COTL1: variants seen among roughly 807,000 people sequenced by gnomAD.
The protein encoded by COTL1 is coactosin-like protein.
COTL1 carries 15 observed loss-of-function variants against 16.5 expected under a neutral mutation model. The observed-to-expected ratio is 0.91, with a 90% CI of 0.61 to 1.40. The LOEUF (loss-of-function observed/expected upper bound fraction) is 1.40. Ranked by LOEUF, COTL1 falls within the 40% of genes most tolerant of loss-of-function variation. COTL1 has a pLI of 0.00. For synonymous variants in COTL1, 112 were observed against 85.3 expected (o/e 1.31, Z -1.73); for missense variants, 220 against 201.5 (o/e 1.09, Z -0.56).
intron 2 of COTL1, among the ~76,000 whole-genome samples, chr16:84,609,195 CTG>C (rs1905271269): frequency 1.3e-5 from 2 of 152,212 alleles, no homozygotes; most frequent in South Asian, 4.1e-4. Flanking sequence ...TGCCGGCTCT[CTG>C]TGTGTTGTAT....
rs193205780 is a variant in COTL1, at chr16:84,598,852, G to A, written c.161-8590C>T. ...GGGGGAGCAAGCAGGGGGGGTCCAA[G>A]CGGGGTCGGGGGTGATCAGGCTGGA... is the stretch of plus-strand genomic sequence containing the variant. On this transcript the variant is annotated intron_variant, in intron 2 of 3. Coordinates refer to ENST00000262428, the MANE Select transcript of COTL1 (RefSeq NM_021149.5). Among the ~76,000 whole-genome samples, 215 of 150,916 alleles carry A rather than the reference G, an allele frequency of 1.4e-3. 3 individuals carry two copies. In the East Asian group the frequency reaches 0.027, roughly 19 times the overall value.
intron 2 of COTL1, among the ~76,000 whole-genome samples, chr16:84,612,738 G>A (rs949802425): frequency 9.9e-5 from 15 of 152,264 alleles, no homozygotes; most frequent in South Asian, 4.1e-4. Context: ...CAGCCTGGGC[G>A]ACAGAGAAAA....
chr16:84,577,871 G>C, intron 3 of COTL1, among the ~76,000 whole-genome samples: 1 of 152,130 alleles, frequency 6.6e-6, no homozygotes, highest in Non-Finnish European at 1.5e-5. Flanking sequence ...GCCTGGATCT[G>C]TGACCCCGAC....
chr16:84,599,746 T>A (rs929356090), intron 2 of COTL1, among the ~76,000 whole-genome samples: 1 of 152,068 alleles, frequency 6.6e-6, no homozygotes, highest in East Asian at 1.9e-4. Context: ...GGAGAGGTTA[T>A]GCAAACACGG....
chr16:84,615,733 A>G (rs1051525577), intron 2 of COTL1, among the ~76,000 whole-genome samples: 1 of 152,206 alleles, frequency 6.6e-6, no homozygotes, highest in South Asian at 2.1e-4. Flanking sequence ...GCCTGGGTTC[A>G]AATCCTGCCC....
At chr16:84,583,228 C>T (rs1473459357) in intron 3 of COTL1, among the ~76,000 whole-genome samples, 1 of 152,142 alleles carries the variant, frequency 6.6e-6, no homozygotes, top group Admixed American at 6.5e-5. Context: ...ATCCCAAGCT[C>T]CTCATCTATA....
At chr16:84,600,126 G>A (rs1567538178) in intron 2 of COTL1, among the ~76,000 whole-genome samples, 2 of 152,106 alleles carry the variant, frequency 1.3e-5, no homozygotes, top group South Asian at 2.1e-4. Flanking sequence ...ACCACTTGCT[G>A]TCTTTTTTCA....
At chr16:84,569,682 T>G (rs924911616) in intron 3 of COTL1, among the ~76,000 whole-genome samples, 1 of 152,240 alleles carries the variant, frequency 6.6e-6, no homozygotes, top group Non-Finnish European at 1.5e-5. Context: ...CTTGAGATCC[T>G]TTCTGTTCCC....
At chr16:84,611,429 T>A (rs1567541158) in intron 2 of COTL1, among the ~76,000 whole-genome samples, 3 of 152,214 alleles carry the variant, frequency 2.0e-5, no homozygotes, top group Non-Finnish European at 2.9e-5. Flanking sequence ...ACAGTTGTTG[T>A]GGGAGGTGGC....
chr16:84,574,378 G>T (rs1320329822), intron 3 of COTL1, among the ~76,000 whole-genome samples: 1 of 152,166 alleles, frequency 6.6e-6, no homozygotes, highest in Non-Finnish European at 1.5e-5. Context: ...TCAGTCTGGG[G>T]GCACCGTCAC....
chr16:84,583,667 C>T (rs1161612125), intron 3 of COTL1, among the ~76,000 whole-genome samples: 2 of 152,066 alleles, frequency 1.3e-5, no homozygotes, highest in African/African-American at 2.4e-5. Flanking sequence ...ACTATGTTGA[C>T]CAGGCTGGTC....
At chr16:84,598,559 C>G (rs998117850) in intron 2 of COTL1, among the ~76,000 whole-genome samples, 6 of 152,206 alleles carry the variant, frequency 3.9e-5, no homozygotes, top group Admixed American at 3.3e-4. Flanking sequence ...TTTCCCTCTC[C>G]TGGCTCTCCT....
chr16:84,582,320 T>C (rs1904618217), intron 3 of COTL1, among the ~76,000 whole-genome samples: 1 of 152,130 alleles, frequency 6.6e-6, no homozygotes, highest in African/African-American at 2.4e-5. Context: ...AAAAATTATG[T>C]TAAAACAGAG....
rs1323265581 is a variant in COTL1 at position 84,577,454 on chromosome 16, A to G, written c.319-10499T>C. 2.0e-5 allele frequency among the ~76,000 whole-genome samples: 3 copies of G among 152,342 alleles called. No individual in the cohort carries two copies. In the East Asian group the frequency reaches 5.8e-4, roughly 29 times the overall value. On this transcript the variant is annotated intron_variant, in intron 3 of 3. Transcript: ENST00000262428. ...GAGACAGGGTTTCACCATGTTGGCCAGGCTGGTCTTGAACTCCTGACCTCA... is the reference window on the plus strand; with the variant it reads ...GAGACAGGGTTTCACCATGTTGGCCGGGCTGGTCTTGAACTCCTGACCTCA...
intron 2 of COTL1, among the ~76,000 whole-genome samples, chr16:84,606,046 T>C (rs1328468163): frequency 6.6e-6 from 1 of 152,168 alleles, no homozygotes; most frequent in African/African-American, 2.4e-5. Flanking sequence ...AGTACAGAAC[T>C]AAAAACAAGA....
At chr16:84,574,149 C>G (rs1374704619) in intron 3 of COTL1, among the ~76,000 whole-genome samples, 2 of 152,204 alleles carry the variant, frequency 1.3e-5, no homozygotes, top group African/African-American at 2.4e-5. Flanking sequence ...CCCTTGAGAC[C>G]TGCCATTCAC....
chr16:84,607,296 G>C (rs1478356636), intron 2 of COTL1, among the ~76,000 whole-genome samples: 1 of 152,192 alleles, frequency 6.6e-6, no homozygotes, highest in Non-Finnish European at 1.5e-5. Context: ...AGTGCAGGCA[G>C]AGGGAAGAGA....
intron 3 of COTL1, among the ~76,000 whole-genome samples, chr16:84,571,101 G>A (rs1459854632): frequency 6.6e-6 from 1 of 152,150 alleles, no homozygotes; most frequent in Non-Finnish European, 1.5e-5. Flanking sequence ...CTGACATACT[G>A]CCTCCAGGGG....
chr16:84,598,604 C>T lies in COTL1; in HGVS notation c.161-8342G>A, dbSNP rs139156066. 4.4e-3 allele frequency among the ~76,000 whole-genome samples: 675 copies of T among 151,930 alleles called. 3 individuals are homozygous for T. The highest frequency in any genetic ancestry group is 5.8e-3 in the Non-Finnish European group (396 of 67,934). ...CCCCTGGGTCCTGGAGGTGCCTTTACGCCTCTCCCACCTCCTCCCCATCTG... is the reference window on the plus strand; with the variant it reads ...CCCCTGGGTCCTGGAGGTGCCTTTATGCCTCTCCCACCTCCTCCCCATCTG... On this transcript the variant is annotated intron_variant, in intron 2 of 3. Coordinates refer to ENST00000262428, the MANE Select transcript of COTL1 (RefSeq NM_021149.5).
Sources: allele counts gnomAD v4.1 joint callset (sites outside exome capture counted in the v4.1 genomes callset), GRCh38; gene constraint gnomAD v4.1.1; transcripts MANE v1.5; gene names NCBI Gene and HGNC (gene_info 2026-07-23, HGNC 2026-07-21).